The following PBX1 variants were observed in gnomAD, a reference collection of about 807,000 sequenced individuals.
PBX1 encodes the protein PBX homeobox 1, also known as pre-B-cell leukemia transcription factor 1.
Under a neutral mutation model 53.4 loss-of-function variants are expected in PBX1, and 6 were observed. The ratio of observed to expected loss-of-function variants is 0.11; its 90% CI spans 0.06 to 0.22. The LOEUF is 0.22. Ranked by LOEUF, PBX1 falls within the 10% of genes least tolerant of loss-of-function variation. The pLI, the probability that PBX1 is intolerant of heterozygous loss-of-function variation, is 1.00. For synonymous variants in PBX1, 204 were observed against 212.3 expected (o/e 0.96, Z 0.34); for missense variants, 251 against 551.4 (o/e 0.46, Z 5.46).
intron 2 of PBX1, among the ~76,000 whole-genome samples, chr1:164,664,604 C>T (rs567075945): frequency 7.7e-4 from 118 of 152,266 alleles, no homozygotes; most frequent in South Asian, 5.0e-3. Context: ...TTATTCTGGT[C>T]GTGATGGTAT....
chr1:164,565,993 A>G (rs887438961), intron 2 of PBX1, among the ~76,000 whole-genome samples: 3 of 152,144 alleles, frequency 2.0e-5, no homozygotes, highest in African/African-American at 7.2e-5. Flanking sequence ...AAGTTCATAC[A>G]TTTGGCTCAC....
At chr1:164,882,719 C>T (rs1672689850) in intron 2 of PBX1, among the ~76,000 whole-genome samples, 1 of 152,128 alleles carries the variant, frequency 6.6e-6, no homozygotes, top group Admixed American at 6.5e-5. Flanking sequence ...GGATTACAGG[C>T]ATGAGCTACC....
intron 2 of PBX1, among the ~76,000 whole-genome samples, chr1:164,717,029 G>T (rs1664139175): frequency 6.6e-6 from 1 of 152,148 alleles, no homozygotes. Context: ...GAAGTCAGCA[G>T]CAGGACATTA....
At chr1:164,712,685 G>A (rs1022885972) in intron 2 of PBX1, among the ~76,000 whole-genome samples, 22 of 152,088 alleles carry the variant, frequency 1.4e-4, no homozygotes, top group South Asian at 2.1e-4. Flanking sequence ...CCAGTGCTCC[G>A]GGCTCCCTTC....
intron 2 of PBX1, among the ~76,000 whole-genome samples, chr1:164,880,061 T>C (rs1672610328): frequency 6.6e-6 from 1 of 152,188 alleles, no homozygotes; most frequent in Non-Finnish European, 1.5e-5. Context: ...CTGTCAAGGA[T>C]GGAGAGGGTT....
chr1:164,755,916 G>T (rs1240551966), intron 2 of PBX1, among the ~76,000 whole-genome samples: 1 of 151,632 alleles, frequency 6.6e-6, no homozygotes, highest in African/African-American at 2.4e-5. Flanking sequence ...CCCCTGGCAG[G>T]GTGCCAGGGT....
intron 2 of PBX1, chr1:164,680,581 A>G (rs959655789): frequency 2.6e-5 from 4 of 152,236 alleles, no homozygotes; most frequent in Admixed American, 6.5e-5. Context: ...TTCTAGAAAT[A>G]GGAAAGAAGA....
intron 2 of PBX1, among the ~76,000 whole-genome samples, chr1:164,777,529 C>G (rs1299312803): frequency 1.3e-5 from 2 of 152,198 alleles, no homozygotes; most frequent in South Asian, 4.1e-4. Context: ...CATTTTCTCA[C>G]AGGATGTAAT....
At chr1:164,618,304 G>GGC in intron 2 of PBX1, among the ~76,000 whole-genome samples, 1 of 150,952 alleles carries the variant, frequency 6.6e-6, no homozygotes, top group East Asian at 2.0e-4. Flanking sequence ...CGGCGGGGGG[G>GGC]GGGGGGCACT....
chr1:164,724,872 G>A (rs1664615137), intron 2 of PBX1, among the ~76,000 whole-genome samples: 1 of 151,982 alleles, frequency 6.6e-6, no homozygotes, highest in Admixed American at 6.6e-5. Flanking sequence ...GTGAGAGGCA[G>A]TGTAACATCC....
chr1:164,562,865 A>G (rs1176437271), intron 1 of PBX1: 1 of 154,772 alleles, frequency 6.5e-6, no homozygotes, highest in Non-Finnish European at 1.4e-5. Context: ...TGGTCGTTGC[A>G]TGGATTTTAC....
At chr1:164,584,276 A>G (rs1654810706) in intron 2 of PBX1, among the ~76,000 whole-genome samples, 1 of 152,004 alleles carries the variant, frequency 6.6e-6, no homozygotes. Flanking sequence ...TTGAGGTGGG[A>G]GGATCACTTG....
chr1:164,796,298 G>A (rs940042829), intron 3 of PBX1, among the ~76,000 whole-genome samples: 3 of 152,124 alleles, frequency 2.0e-5, no homozygotes, highest in Admixed American at 6.5e-5. Context: ...GTGAGCCACC[G>A]TGCCTGGCGC....
chr1:164,849,345 C>G lies in PBX1; in HGVS notation c.*2669C>G. The G allele has an allele frequency of 6.5e-7, 1 of 1,535,482 alleles. No individual in the cohort carries two copies. Among genetic ancestry groups the G allele is most frequent in the South Asian group, 1.2e-5 (1 of 84,028 alleles). On this transcript the variant is annotated 3_prime_UTR_variant, in exon 9 of 9. Transcript: ENST00000420696. ...TTAGTCTTCTCTATACCCAGCACCTCCCCCGGCACCCCCGGCAAGCCCACT... is the reference window on the plus strand; with the variant it reads ...TTAGTCTTCTCTATACCCAGCACCTGCCCCGGCACCCCCGGCAAGCCCACT...
chr1:164,883,197 G>T (rs1178068290), intron 2 of PBX1, among the ~76,000 whole-genome samples: 5 of 152,154 alleles, frequency 3.3e-5, no homozygotes, highest in South Asian at 2.1e-4. Context: ...GAGGCCATCA[G>T]TGTTCAGGTA....
chr1:164,783,309 G>T (rs1668018141), intron 2 of PBX1, among the ~76,000 whole-genome samples: 1 of 150,646 alleles, frequency 6.6e-6, no homozygotes, highest in Non-Finnish European at 1.5e-5. Context: ...ATTGGCTGAG[G>T]ATCTATGGAT....
intron 2 of PBX1, among the ~76,000 whole-genome samples, chr1:164,881,021 G>T (rs1370431941): frequency 6.6e-6 from 1 of 152,196 alleles, no homozygotes; most frequent in African/African-American, 2.4e-5. Context: ...CTAGCCATCT[G>T]CTCCAAGCTC....
At chr1:164,806,689 A>G (rs1558019490) in intron 4 of PBX1, among the ~76,000 whole-genome samples, 1 of 152,204 alleles carries the variant, frequency 6.6e-6, no homozygotes, top group Non-Finnish European at 1.5e-5. Context: ...CTTCATCGGT[A>G]AATACGAATA....
intron 2 of PBX1, among the ~76,000 whole-genome samples, chr1:164,877,681 C>T (rs1429157285): frequency 6.6e-6 from 1 of 151,904 alleles, no homozygotes; most frequent in East Asian, 1.9e-4. Flanking sequence ...AAAAGTAGTT[C>T]AAGTGTTTAT....
Sources: allele counts gnomAD v4.1 joint callset (sites outside exome capture counted in the v4.1 genomes callset), GRCh38; gene constraint gnomAD v4.1.1; transcripts MANE v1.5; gene names NCBI Gene and HGNC (gene_info 2026-07-23, HGNC 2026-07-21).